The following SMG1 variants were observed in gnomAD, a reference collection of about 807,000 sequenced individuals.
The protein encoded by SMG1 is serine/threonine-protein kinase SMG1.
A neutral mutation model predicts 419.9 loss-of-function variants in SMG1; 22 were observed. The ratio of observed to expected loss-of-function variants is 0.05; its 90% confidence interval spans 0.04 to 0.07. The LOEUF (loss-of-function observed/expected upper bound fraction) is 0.07. Ranked by LOEUF, SMG1 falls within the 10% of genes least tolerant of loss-of-function variation. The pLI, the probability that SMG1 is intolerant of heterozygous loss-of-function variation, is 1.00. For synonymous variants in SMG1, 1,538 were observed against 1,553.5 expected (o/e 0.99, Z 0.23); for missense variants, 3,185 against 4,342.0 (o/e 0.73, Z 7.49).
rs1376852744 is a variant in SMG1 at position 18,809,641 on chromosome 16, G to C, written c.10914C>G (p.Asp3638Glu). 6.2e-7 allele frequency: 1 copy of C among 1,601,174 alleles called. No homozygotes were observed. Among genetic ancestry groups the C allele is most frequent in the Non-Finnish European group, 8.5e-7 (1 of 1,172,926 alleles). Residue 3638 changes from aspartate (D) to glutamate (E), a missense_variant, in exon 63 of 63, where the codon GAC (aspartate) becomes GAG (glutamate). Coordinates refer to ENST00000446231, the MANE Select transcript of SMG1 (RefSeq NM_015092.5). Reference sequence around the variant, plus strand: ...GATTAGTTGCTTCCTTAATGACATAGTCAACCTGTAAAAATAGGCAGGATA... The same window carrying C: ...GATTAGTTGCTTCCTTAATGACATACTCAACCTGTAAAAATAGGCAGGATA... Reference protein sequence around the residue: ...NRRMSVAEQVDYVIKEATNLD... With the variant: ...NRRMSVAEQVEYVIKEATNLD...
Position 18,833,085 on chromosome 16 carries a change from T to C in SMG1, c.8647A>G (p.Met2883Val), listed in dbSNP as rs748018031. 5.0e-6 allele frequency: 8 copies of C among 1,614,032 alleles called. No homozygotes were observed. The Admixed American group carries it at 1.2e-4, about 24-fold the overall frequency. Reference protein sequence around the residue: ...LMKGEYTLESMLHELDGLIEQ... With the variant: ...LMKGEYTLESVLHELDGLIEQ... Reference sequence around the variant, plus strand: ...ATAAGACCGTCCAGTTCATGCAGCATACTTTCTAACGTGTATTCCCCTTTC... The same window carrying C: ...ATAAGACCGTCCAGTTCATGCAGCACACTTTCTAACGTGTATTCCCCTTTC... Residue 2883 changes from methionine (M) to valine (V), a missense_variant, in exon 51 of 63, where the codon ATG becomes GTG. By Grantham distance (21) the Met-to-Val change is conservative (BLOSUM62 1). Transcript: ENST00000446231.
At chr16:18,842,665 G>T (rs1178599381) in intron 39 of SMG1, among the ~76,000 whole-genome samples, 1 of 152,030 alleles carries the variant, frequency 6.6e-6, no homozygotes, top group Non-Finnish European at 1.5e-5. Context: ...TCTCTACAAA[G>T]AATACAAAAG....
At position 18,836,200 on chromosome 16, in the gene SMG1, T is replaced by C. The variant is rs1469618229; in HGVS notation, c.7790A>G (p.Tyr2597Cys). 1.2e-6 allele frequency: 2 copies of C among 1,611,974 alleles called. No homozygotes were observed. The highest frequency in any genetic ancestry group is 3.3e-5 in the Admixed American group (2 of 59,732). The change falls in exon 48 of 63, where the codon TAC becomes TGC. Residue 2597 changes from tyrosine (Y) to cysteine (C), a missense_variant. Tyr to Cys is a radical substitution (Grantham distance 194). Around this residue, in one of 27 missense-constraint regions of SMG1, gnomAD observed 412 missense variants for 546.6 expected, o/e 0.75. Transcript: ENST00000446231. ...CTGCAGAAAGGCTGTTGCTGGCACG[T>C]AACTTGGAGGACCTTTTGGTAAAAG... ...STQMDLGPPS[Y>C]VPATAFLQNA...
In SMG1 at chr16:18,807,196, A is replaced by G. The variant is rs181474432; in HGVS notation, c.*2373T>C. The G allele has an allele frequency of 1.4e-4, 21 of 152,352 alleles. No individual in the cohort carries two copies. The highest frequency in any genetic ancestry group is 3.4e-4 in the African/African-American group (14 of 41,590). The allele number at this position is 152,352 out of a possible 1,614,324, so 9.4% of individuals were successfully genotyped here. On this transcript the variant is annotated 3_prime_UTR_variant, in exon 63 of 63. Transcript: ENST00000446231. ...TAAAATTCACCTATTTATCTTCTTT[A>G]CCAAAGAGAAAGCAATTTCTGAATA...
In SMG1 at chr16:18,867,998, G is replaced by A. The variant is rs538847667; in HGVS notation, c.3195+192C>T. 6.9e-4 allele frequency among the ~76,000 whole-genome samples: 105 copies of A among 152,154 alleles called. 2 individuals are homozygous for A. The highest frequency in any genetic ancestry group is 3.6e-4 in the African/African-American group (15 of 41,522). ...GCTGGGATTACAGGCGTGAGCCACC[G>A]CGCCCGGCCTATTTTAACTTCTAAC... On this transcript the variant is annotated intron_variant, in intron 22 of 62. Coordinates refer to ENST00000446231, the MANE Select transcript of SMG1 (RefSeq NM_015092.5).
chr16:18,920,068 G>C (rs1596667449), intron 1 of SMG1, among the ~76,000 whole-genome samples: 1 of 151,016 alleles, frequency 6.6e-6, no homozygotes, highest in African/African-American at 2.4e-5. Flanking sequence ...TCCAGCCTGG[G>C]AGACAGAGTA....
At chr16:18,887,215 T>C (rs1306456052) in intron 6 of SMG1, among the ~76,000 whole-genome samples, 2 of 152,204 alleles carry the variant, frequency 1.3e-5, no homozygotes, top group African/African-American at 4.8e-5. Flanking sequence ...GTGAGAATTT[T>C]CACAAGAGCT....
chr16:18,815,726 AT>A, intron 58 of SMG1, 75 bp from the exon 59 acceptor site: 1 of 1,234,398 alleles, frequency 8.1e-7, no homozygotes. Flanking sequence ...TCACCTAGTG[AT>A]TAAGTAACAA....
Position 18,892,213 on chromosome 16 carries a change from C to A in SMG1, c.549+5G>T. 6.6e-7 allele frequency: 1 copy of A among 1,524,406 alleles called. No homozygotes were observed. The highest frequency in any genetic ancestry group is 2.4e-5 in the East Asian group (1 of 41,048). 94.4% of individuals were successfully genotyped at this position (1,524,406 alleles called of 1,614,324 possible). On this transcript the variant is annotated splice_donor_5th_base_variant and intron_variant, in intron 4 of 62. Transcript: ENST00000446231. ...TCCTCATATTTCCAAACATACTATACTTACCAGCTTATTTTCTGGTTGCTG... is the reference window on the plus strand; with the variant it reads ...TCCTCATATTTCCAAACATACTATAATTACCAGCTTATTTTCTGGTTGCTG...
rs1311478532 is a variant in SMG1 at position 18,812,037 on chromosome 16, G to A, written c.10712C>T (p.Ala3571Val). 1 of 1,613,844 alleles carries A rather than the reference G, an allele frequency of 6.2e-7. No homozygotes were observed. The highest frequency in any genetic ancestry group is 8.5e-7 in the Non-Finnish European group (1 of 1,179,880). The change falls in exon 61 of 63, where the codon GCT becomes GTT. Residue 3571 changes from alanine (A) to valine (V), a missense_variant. Ala to Val is a moderately conservative substitution (Grantham distance 64). Around this residue, in one of 27 missense-constraint regions of SMG1, gnomAD observed 737 missense variants for 846.6 expected, o/e 0.87. Transcript: ENST00000446231. Reference sequence around the variant, plus strand: ...TGGAACGGTGCTTGGTGGAGTATCAGCTGATGTAGCAAGATTTTTTTGGAT... The same window carrying A: ...TGGAACGGTGCTTGGTGGAGTATCAACTGATGTAGCAAGATTTTTTTGGAT... ...KLIQKNLATS[A>V]DTPPSTVPGT...
At chr16:18,820,071 T>C (rs762542231) in intron 55 of SMG1, among the ~76,000 whole-genome samples, 6 of 152,182 alleles carry the variant, frequency 3.9e-5, no homozygotes, top group Admixed American at 3.9e-4. Flanking sequence ...GTTCAAGCGA[T>C]TCTCCTGCCT....
At chr16:18,895,944 C>G (rs1325868750) in intron 3 of SMG1, 108 bp downstream of exon 3, 2 of 1,123,652 alleles carry the variant, frequency 1.8e-6, no homozygotes, top group Non-Finnish European at 2.7e-6. Context: ...GCACAGTAGG[C>G]TAATCAACTT....
intron 25 of SMG1, among the ~76,000 whole-genome samples, chr16:18,862,007 A>G (rs940734091): frequency 1.3e-5 from 2 of 152,094 alleles, no homozygotes; most frequent in African/African-American, 4.8e-5. Flanking sequence ...TAATCTCTCC[A>G]ACATTTAAAA....
At chr16:18,846,046 C>G (rs2034244834) in intron 38 of SMG1, among the ~76,000 whole-genome samples, 1 of 151,984 alleles carries the variant, frequency 6.6e-6, no homozygotes, top group South Asian at 2.1e-4. Flanking sequence ...GATCTCCTGA[C>G]CTCGTGATCC....
rs1596527700 is a variant in SMG1, at chr16:18,854,544, A to G, written c.4483+112T>C. ...ATTCAGGATGCAAATGTTCTGCAAC[A>G]GCTGGAAATGATCAACTTTGCTATT... On this transcript the variant is annotated intron_variant, in intron 30 of 62. Transcript: ENST00000446231. 4.9e-6 allele frequency: 5 copies of G among 1,011,840 alleles called. No homozygotes were observed. In the East Asian group the frequency reaches 1.3e-4, roughly 27 times the overall value. The allele number at this position is 1,011,840 out of a possible 1,614,324, so 62.7% of individuals were successfully genotyped here.
At position 18,852,427 on chromosome 16, in the gene SMG1, C is replaced by A; in HGVS notation, c.4804G>T (p.Gly1602Ter). The A allele has an allele frequency of 6.3e-7, 1 of 1,599,904 alleles. No homozygotes were observed. The highest frequency in any genetic ancestry group is 8.5e-7 in the Non-Finnish European group (1 of 1,172,958). ...ACTGAAGACAGGTGATACAACTGTC[C>A]CAAAATGAAGTCAGGTTCTCCAACT... ...IGVGEPDFIL[G>*]QLYHLSSVQA... The change falls in exon 32 of 63, where the codon GGA becomes TGA. Residue 1602 changes from glycine (G) to a stop codon, truncating the protein, a stop_gained. Coordinates refer to ENST00000446231, the MANE Select transcript of SMG1 (RefSeq NM_015092.5). LOFTEE classifies it high-confidence loss of function.
Position 18,845,418 on chromosome 16 carries a change from T to C in SMG1, c.6219+11A>G. On this transcript the variant is annotated intron_variant, in intron 39 of 62. Coordinates refer to ENST00000446231, the MANE Select transcript of SMG1 (RefSeq NM_015092.5). ...TGCCATTTCAGTAGCATGCTTGGGA[T>C]TATTCTGTACCTCTTTAAATGGAAT... is the stretch of plus-strand genomic sequence containing the variant. The C allele has an allele frequency of 2.5e-6, 4 of 1,609,254 alleles. No individual in the cohort carries two copies. The African/African-American group carries it at 4.0e-5, about 16-fold the overall frequency.
At chr16:18,821,177 G>A (rs1440648619) in intron 55 of SMG1, among the ~76,000 whole-genome samples, 1 of 143,756 alleles carries the variant, frequency 7.0e-6, no homozygotes, top group Non-Finnish European at 1.5e-5. Context: ...TTAAGGCACA[G>A]TAATTATCAA....
chr16:18,852,006 A>T, intron 33 of SMG1, 61 bp downstream of exon 33: 1 of 1,518,822 alleles, frequency 6.6e-7, no homozygotes, highest in Non-Finnish European at 8.8e-7. Context: ...TATATGATCA[A>T]TTTTCTCAAA....
Sources: allele counts gnomAD v4.1 joint callset (sites outside exome capture counted in the v4.1 genomes callset), GRCh38; gene constraint gnomAD v4.1.1; regional missense constraint gnomAD v4.1.1; transcripts MANE v1.5; gene names NCBI Gene and HGNC (gene_info 2026-07-23, HGNC 2026-07-21).